Variants in POLQ observed in about 807,000 individuals in gnomAD.
The protein encoded by POLQ is epididymis secretory sperm binding protein.
Under a neutral mutation model 259.2 loss-of-function variants are expected in POLQ, and 233 were observed. The ratio of observed to expected loss-of-function variants is 0.90; its 90% CI spans 0.81 to 1.00. The LOEUF (loss-of-function observed/expected upper bound fraction) is 1.00. Ranked by LOEUF, POLQ falls within the 50% of genes least tolerant of loss-of-function variation. The pLI, the probability that POLQ is intolerant of heterozygous loss-of-function variation, is 0.00. For missense variants in POLQ, 2,871 were observed against 3,051.6 expected (o/e 0.94, Z 1.39); for synonymous variants, 1,025 against 1,048.8 (o/e 0.98, Z 0.44).
chr3:121,504,296 T>C (rs1452507149), intron 12 of POLQ, among the ~76,000 whole-genome samples: 1 of 152,176 alleles, frequency 6.6e-6, no homozygotes, highest in African/African-American at 2.4e-5. Flanking sequence ...TTAGATAATC[T>C]ACGTGGACTA....
chr3:121,431,833 T>C lies in POLQ; in HGVS notation c.*471A>G, dbSNP rs1169093722. On this transcript the variant is annotated 3_prime_UTR_variant, in exon 30 of 30. Transcript: ENST00000264233. ...CTATTTTAAAATACTATTTCCGTAC[T>C]GTAAAATTGATATTAGAGGAAAAAA... The C allele has an allele frequency of 6.5e-6, 1 of 153,844 alleles. No individual in the cohort carries two copies. Among genetic ancestry groups the C allele is most frequent in the Admixed American group, 6.5e-5 (1 of 15,314 alleles). The allele number at this position is 153,844 out of a possible 1,614,324, so 9.5% of individuals were successfully genotyped here.
At chr3:121,538,227 T>C (rs531049307) in intron 4 of POLQ, among the ~76,000 whole-genome samples, 1 of 152,192 alleles carries the variant, frequency 6.6e-6, no homozygotes, top group South Asian at 2.1e-4. Context: ...TTTTTTTTAA[T>C]ATGGTAAGCT....
At chr3:121,509,852 G>A (rs2048238709) in intron 11 of POLQ, 149 bp from the exon 12 acceptor site, 1 of 877,870 alleles carries the variant, frequency 1.1e-6, no homozygotes, top group Non-Finnish European at 1.8e-6. Flanking sequence ...TGTATGAGCA[G>A]GCTCTATCAT....
intron 25 of POLQ, among the ~76,000 whole-genome samples, chr3:121,457,403 G>A (rs1018328763): frequency 6.6e-6 from 1 of 152,144 alleles, no homozygotes; most frequent in South Asian, 2.1e-4. Flanking sequence ...TTAAACTAAC[G>A]AGCTTCTGCA....
At position 121,483,390 on chromosome 3, in the gene POLQ, G is replaced by A. The variant is rs1274152368; in HGVS notation, c.5966C>T (p.Pro1989Leu). The change falls in exon 18 of 30, where the codon CCT becomes CTT. Residue 1989 changes from proline (P) to leucine (L), a missense_variant. Around this residue, in one of 3 missense-constraint regions of POLQ, gnomAD observed 2,080 missense variants for 2,126.0 expected, o/e 0.98. Transcript: ENST00000264233. The part of the protein sequence containing the change: ...GISLEQSYED[P>L]KVACWLLDPD... ...AAATTAAATTAGACATAGAACCTTA[G>A]GATCTTCATAACTTTGCTCCAAGGA... 1 of 1,533,360 alleles carries A rather than the reference G, an allele frequency of 6.5e-7. No individual in the cohort carries two copies. Among genetic ancestry groups the A allele is most frequent in the Non-Finnish European group, 8.7e-7 (1 of 1,144,778 alleles). 95.0% of individuals were successfully genotyped at this position (1,533,360 alleles called of 1,614,324 possible). A position where few individuals can be genotyped will look rare whatever the true frequency, so the allele number is the denominator to read the frequency against.
At chr3:121,435,028 G>C (rs139139566) in intron 28 of POLQ, among the ~76,000 whole-genome samples, 2,146 of 152,190 alleles carry the variant, frequency 0.014, 51 homozygotes, top group African/African-American at 0.049. Flanking sequence ...GCCAGGCATG[G>C]TGGCACACTC....
intron 26 of POLQ, among the ~76,000 whole-genome samples, chr3:121,442,786 T>G (rs1304351206): frequency 6.6e-6 from 1 of 152,190 alleles, no homozygotes; most frequent in Non-Finnish European, 1.5e-5. Context: ...GTACACAGAT[T>G]TCCTTTCTTT....
intron 12 of POLQ, among the ~76,000 whole-genome samples, chr3:121,504,088 G>A (rs977603732): frequency 6.6e-5 from 10 of 152,054 alleles, no homozygotes; most frequent in Non-Finnish European, 1.2e-4. Flanking sequence ...GGCTGGTCTC[G>A]AACACCTGAC....
intron 8 of POLQ, among the ~76,000 whole-genome samples, 174 bp from the exon 9 acceptor site, chr3:121,520,257 C>T (rs114499043): frequency 1.1e-3 from 163 of 152,072 alleles, no homozygotes; most frequent in African/African-American, 3.8e-3. Flanking sequence ...ATAATCTGGC[C>T]GGGCGCGGTG....
chr3:121,523,834 C>T (rs953523959), intron 7 of POLQ, among the ~76,000 whole-genome samples: 4 of 152,048 alleles, frequency 2.6e-5, no homozygotes, highest in Admixed American at 1.3e-4. Flanking sequence ...ATATTTCATA[C>T]ATTTTTAAAT....
chr3:121,538,143 C>T (rs923930173), intron 4 of POLQ, among the ~76,000 whole-genome samples: 8 of 151,962 alleles, frequency 5.3e-5, no homozygotes, highest in African/African-American at 1.7e-4. Context: ...AGTGGGAAAA[C>T]ATACATACTC....
chr3:121,471,480 G>A (rs2047882838), intron 22 of POLQ, among the ~76,000 whole-genome samples: 1 of 152,240 alleles, frequency 6.6e-6, no homozygotes, highest in Non-Finnish European at 1.5e-5. Context: ...AGTGGCTCAC[G>A]CCTGTAATCC....
intron 5 of POLQ, among the ~76,000 whole-genome samples, chr3:121,535,403 C>A (rs2048442824): frequency 6.6e-6 from 1 of 152,090 alleles, no homozygotes; most frequent in African/African-American, 2.4e-5. Flanking sequence ...CTAATCTTGA[C>A]TTTTATACCT....
chr3:121,522,066 G>A lies in POLQ; in HGVS notation c.1192C>T (p.Pro398Ser), dbSNP rs2048339952. Residue 398 changes from proline to serine, a missense_variant, in exon 8 of 30, where the codon CCT becomes TCT. This residue lies in a region of POLQ where 783 missense variants were observed against 906.2 expected (regional missense o/e 0.86). Coordinates refer to ENST00000264233, the MANE Select transcript of POLQ (RefSeq NM_199420.4). ...TGTAATACAGAGTCCAGTCCTGAAG[G>A]CAAACGTCTTAACTGATCCATCACT... ...LEVMDQLRRL[P>S]SGLDSVLQKT... is the part of the protein sequence containing the mutation. The A allele has an allele frequency of 3.1e-6, 5 of 1,608,352 alleles. No homozygotes were observed. Among genetic ancestry groups the A allele is most frequent in the Non-Finnish European group, 4.2e-6 (5 of 1,176,632 alleles).
intron 9 of POLQ, among the ~76,000 whole-genome samples, chr3:121,513,616 A>G: frequency 6.7e-6 from 1 of 149,254 alleles, no homozygotes; most frequent in African/African-American, 2.5e-5. Flanking sequence ...AAAAAAAAAA[A>G]AAAAAAAAAA....
chr3:121,545,926 C>G lies in POLQ; in HGVS notation c.-49G>C. On this transcript the variant is annotated 5_prime_UTR_variant, in exon 1 of 30. Coordinates refer to ENST00000264233, the MANE Select transcript of POLQ (RefSeq NM_199420.4). ...GGGCAAGCCACAGTCCCAGCGTCCT[C>G]CCTCTCGGGAGAACCCTGGCCTGGC... 6.2e-7 allele frequency: 1 copy of G among 1,606,754 alleles called. No individual in the cohort carries two copies. Among genetic ancestry groups the G allele is most frequent in the African/African-American group, 1.3e-5 (1 of 74,924 alleles).
chr3:121,473,431 G>C lies in POLQ; in HGVS notation c.6462C>G (p.Ser2154Arg). 6.2e-7 allele frequency: 1 copy of C among 1,613,738 alleles called. No individual in the cohort carries two copies. Among genetic ancestry groups the C allele is most frequent in the Non-Finnish European group, 8.5e-7 (1 of 1,179,720 alleles). Residue 2154 changes from serine (S) to arginine (R), a missense_variant, in exon 21 of 30, where the codon AGC becomes AGG. By Grantham distance (110) the Ser-to-Arg change is moderately radical. Around this residue, in one of 3 missense-constraint regions of POLQ, gnomAD observed 2,080 missense variants for 2,126.0 expected, o/e 0.98. Transcript: ENST00000264233. ...TTCTGGTAGAACCCAGAGTTTTCTT[G>C]CTGCCTTGGTTTTTCATCTCTCTAT... ...PPNREMKNQG[S>R]KKTLGSTRRG...
At chr3:121,544,951 T>C (rs756673388) in intron 1 of POLQ, 45 bp from the exon 2 acceptor site, 10 of 1,268,366 alleles carry the variant, frequency 7.9e-6, no homozygotes. Context: ...ACTTCTAATA[T>C]ATGAGTTTTA....
At chr3:121,484,172 C>T (rs2047992270) in intron 17 of POLQ, among the ~76,000 whole-genome samples, 1 of 152,090 alleles carries the variant, frequency 6.6e-6, no homozygotes, top group African/African-American at 2.4e-5. Flanking sequence ...AAGGAACAGA[C>T]ACTATACAGC....
Sources: allele counts gnomAD v4.1 joint callset (sites outside exome capture counted in the v4.1 genomes callset), GRCh38; gene constraint gnomAD v4.1.1; regional missense constraint gnomAD v4.1.1; transcripts MANE v1.5; gene names NCBI Gene and HGNC (gene_info 2026-07-23, HGNC 2026-07-21).